The following SMYD4 variants were observed in gnomAD, a reference collection of about 807,000 sequenced individuals.
SMYD4 encodes protein-lysine N-methyltransferase SMYD4.
SMYD4 carries 68 observed loss-of-function variants against 72.8 expected under a neutral mutation model. The ratio of observed to expected loss-of-function variants is 0.93; its 90% CI spans 0.77 to 1.14. The LOEUF (loss-of-function observed/expected upper bound fraction) is 1.14. Ranked by LOEUF, SMYD4 falls within the 50% of genes most tolerant of loss-of-function variation. The pLI is 0.00. For synonymous variants in SMYD4, 407 were observed against 388.6 expected (o/e 1.05, Z -0.56); for missense variants, 984 against 1,003.7 (o/e 0.98, Z 0.27).
At chr17:1,794,095 A>T (rs1479222753) in intron 5 of SMYD4, among the ~76,000 whole-genome samples, 1 of 18,516 alleles carries the variant, frequency 5.4e-5, no homozygotes, top group African/African-American at 1.9e-4. Flanking sequence ...ATATATATAT[A>T]TATATATATA....
intron 3 of SMYD4, among the ~76,000 whole-genome samples, chr17:1,805,751 G>A (rs973369283): frequency 6.6e-6 from 1 of 151,658 alleles, no homozygotes; most frequent in Non-Finnish European, 1.5e-5. Context: ...AGCAGAGGTT[G>A]CAGGGAGCTG....
chr17:1,794,965 G>A (rs1909312621), intron 5 of SMYD4, among the ~76,000 whole-genome samples: 1 of 152,156 alleles, frequency 6.6e-6, no homozygotes, highest in South Asian at 2.1e-4. Context: ...CTTTCTGGGA[G>A]AAACTCTTCT....
intron 4 of SMYD4, among the ~76,000 whole-genome samples, chr17:1,802,045 G>A (rs973739752): frequency 7.9e-5 from 12 of 151,976 alleles, no homozygotes; most frequent in Non-Finnish European, 1.2e-4. Flanking sequence ...TTGTGCAATC[G>A]ACTTAATTTC....
At position 1,792,145 on chromosome 17, in the gene SMYD4, C is replaced by T. The variant is rs377748687; in HGVS notation, c.1538-4541G>A. On this transcript the variant is annotated intron_variant, in intron 5 of 10. Coordinates refer to ENST00000305513, the MANE Select transcript of SMYD4 (RefSeq NM_052928.3). ...GCAAGCTCCGCCTCCTGGGTTCACA[C>T]CATTCTCCTGCCTCAGCCTCCAGAG... Among the ~76,000 whole-genome samples the T allele has an allele frequency of 5.1e-4, 78 of 152,064 alleles. No homozygotes were observed. The East Asian group carries it at 0.012, about 23-fold the overall frequency.
At chr17:1,807,902 G>A (rs1334358794) in intron 3 of SMYD4, among the ~76,000 whole-genome samples, 2 of 152,026 alleles carry the variant, frequency 1.3e-5, no homozygotes, top group Non-Finnish European at 2.9e-5. Flanking sequence ...AGATGACGCT[G>A]GACACTCTTG....
intron 4 of SMYD4, among the ~76,000 whole-genome samples, chr17:1,802,637 T>C (rs977953890): frequency 6.6e-6 from 1 of 152,258 alleles, no homozygotes; most frequent in Non-Finnish European, 1.5e-5. Flanking sequence ...GTTAGATTCC[T>C]GCTTTTCTCT....
At chr17:1,796,470 C>G (rs1399010857) in intron 5 of SMYD4, among the ~76,000 whole-genome samples, 1 of 151,086 alleles carries the variant, frequency 6.6e-6, no homozygotes, top group African/African-American at 2.4e-5. Flanking sequence ...TGGAGTCTCC[C>G]TCTGTCACCA....
chr17:1,828,116 C>T (rs1023535023), intron 1 of SMYD4, 110 bp from the exon 2 acceptor site: 25 of 1,060,286 alleles, frequency 2.4e-5, no homozygotes, highest in Non-Finnish European at 2.3e-5. Context: ...TTTGGGAAGC[C>T]GAGGTAGGTG....
Position 1,785,525 on chromosome 17 carries a change from G to C in SMYD4, c.1885-1064C>G, listed in dbSNP as rs377117293. 1.1e-4 allele frequency among the ~76,000 whole-genome samples: 16 copies of C among 152,128 alleles called. No individual in the cohort carries two copies. In the East Asian group the frequency reaches 2.7e-3, roughly 26 times the overall value. ...CCCAGCGCTTTGGGTGGTCGAGGCAGGTAGGTCGCTTGAGGCCAGGAGATC... is the reference window on the plus strand; with the variant it reads ...CCCAGCGCTTTGGGTGGTCGAGGCACGTAGGTCGCTTGAGGCCAGGAGATC... On this transcript the variant is annotated intron_variant, in intron 7 of 10. Coordinates refer to ENST00000305513, the MANE Select transcript of SMYD4 (RefSeq NM_052928.3).
intron 2 of SMYD4, among the ~76,000 whole-genome samples, chr17:1,818,540 C>T (rs575326957): frequency 4.7e-4 from 72 of 152,262 alleles, no homozygotes; most frequent in African/African-American, 1.5e-3. Context: ...ACCAATTATT[C>T]CTAATATGTC....
intron 5 of SMYD4, among the ~76,000 whole-genome samples, chr17:1,794,069 G>GTGTGTA (rs1280064134): frequency 1.3e-4 from 9 of 67,926 alleles, no homozygotes; most frequent in Non-Finnish European, 2.4e-4. Flanking sequence ...ATATATATGT[G>GTGTGTA]TATATATATG....
intron 4 of SMYD4, among the ~76,000 whole-genome samples, chr17:1,803,474 C>T (rs962455024): frequency 1.3e-5 from 2 of 152,202 alleles, no homozygotes; most frequent in Non-Finnish European, 1.5e-5. Flanking sequence ...TCCACATCCC[C>T]ATGGAATGTC....
At chr17:1,783,012 T>C (rs895635591) in intron 10 of SMYD4, 23 bp downstream of exon 10, 3 of 1,611,128 alleles carry the variant, frequency 1.9e-6, no homozygotes, top group Middle Eastern at 3.3e-4. Context: ...GTGTGTGCCC[T>C]GTGAAGTGGG....
At chr17:1,790,943 G>A (rs113649976) in intron 5 of SMYD4, among the ~76,000 whole-genome samples, 3,130 of 151,110 alleles carry the variant, frequency 0.021, 116 homozygotes, top group African/African-American at 0.067. Flanking sequence ...TGGCTAACAC[G>A]GCGAAACCCC....
intron 6 of SMYD4, 65 bp downstream of exon 6, chr17:1,787,357 T>C (rs1441294441): frequency 6.5e-7 from 1 of 1,542,344 alleles, no homozygotes; most frequent in East Asian, 2.4e-5. Flanking sequence ...GGTGGCTTGC[T>C]GACTTGCGTC....
rs540053573 is a variant in SMYD4, at chr17:1,779,717, C to T, written c.*1569G>A. On this transcript the variant is annotated 3_prime_UTR_variant, in exon 11 of 11. Transcript: ENST00000305513. ...GGCTCCATATTTACTTCTCTGGTCA[C>T]GGTTCATACTCCACGATTTTAACAA... 6.6e-6 allele frequency: 1 copy of T among 152,404 alleles called. No individual in the cohort carries two copies. The highest frequency in any genetic ancestry group is 2.1e-4 in the South Asian group (1 of 4,826). The allele number at this position is 152,404 out of a possible 1,614,324, so 9.4% of individuals were successfully genotyped here.
chr17:1,826,447 G>A (rs1348690697), intron 2 of SMYD4, among the ~76,000 whole-genome samples: 1 of 137,450 alleles, frequency 7.3e-6, no homozygotes, highest in African/African-American at 2.6e-5. Flanking sequence ...AGCCAAGACT[G>A]TGCCACTGCA....
rs530076688 is a variant in SMYD4, at chr17:1,824,265, C to G, written c.134+3596G>C. ...GGCTGAGACAGGAGAATCGCTTGAA[C>G]CCACGAGGCACAAGTTGCAGTGAGC... On this transcript the variant is annotated intron_variant, in intron 2 of 10. Transcript: ENST00000305513. Among the ~76,000 whole-genome samples the G allele has an allele frequency of 1.9e-4, 29 of 152,248 alleles. 1 individual carries two copies. In the East Asian group the frequency reaches 5.4e-3, roughly 28 times the overall value.
intron 3 of SMYD4, among the ~76,000 whole-genome samples, chr17:1,809,032 C>G (rs1910186117): frequency 6.6e-6 from 1 of 152,116 alleles, no homozygotes; most frequent in Non-Finnish European, 1.5e-5. Context: ...GTACACCCTT[C>G]AAATGAAAAA....
Sources: allele counts gnomAD v4.1 joint callset (sites outside exome capture counted in the v4.1 genomes callset), GRCh38; gene constraint gnomAD v4.1.1; transcripts MANE v1.5; gene names NCBI Gene and HGNC (gene_info 2026-07-23, HGNC 2026-07-21).